The following MAGI2 variants were observed in gnomAD, a reference collection of about 807,000 sequenced individuals.
MAGI2 encodes membrane associated guanylate kinase, WW and PDZ domain containing 2.
In MAGI2, 35 loss-of-function variants were observed where a neutral mutation model predicts 133.3. The ratio of observed to expected loss-of-function variants is 0.26; its 90% CI spans 0.20 to 0.35. The LOEUF is 0.35. MAGI2 is among the 10% of genes least tolerant of loss of function. The probability of loss-of-function intolerance (pLI) is 1.00; values close to 1 mark genes in which losing one functional copy is unlikely to be tolerated. For synonymous variants in MAGI2, 729 were observed against 710.6 expected (o/e 1.03, Z -0.41); for missense variants, 1,636 against 1,863.4 (o/e 0.88, Z 2.25).
At position 79,020,592 on chromosome 7, in the gene MAGI2, C is replaced by T. The variant is rs528280471; in HGVS notation, c.302-13386G>A. Among the ~76,000 whole-genome samples the T allele has an allele frequency of 3.3e-5, 5 of 151,988 alleles. No individual in the cohort carries two copies. In the East Asian group the frequency reaches 9.8e-4, roughly 30 times the overall value. Reference sequence around the variant, plus strand: ...CCATCCTGGCTAACATGGTGAAACCCCATCTCTTCTAAAAATACAAAAAAT... The same window carrying T: ...CCATCCTGGCTAACATGGTGAAACCTCATCTCTTCTAAAAATACAAAAAAT... On this transcript the variant is annotated intron_variant, in intron 1 of 21. Coordinates refer to ENST00000354212, the MANE Select transcript of MAGI2 (RefSeq NM_012301.4).
intron 1 of MAGI2, among the ~76,000 whole-genome samples, chr7:79,361,570 A>T (rs1842377979): frequency 6.6e-6 from 1 of 152,186 alleles, no homozygotes; most frequent in Non-Finnish European, 1.5e-5. Flanking sequence ...GAACATATCT[A>T]TGGAGGAAGA....
intron 7 of MAGI2, among the ~76,000 whole-genome samples, chr7:78,367,350 G>A (rs150710200): frequency 1.4e-4 from 21 of 152,298 alleles, no homozygotes; most frequent in African/African-American, 4.1e-4. Flanking sequence ...ATCCTCTCCT[G>A]CATTGGAAGT....
chr7:78,436,243 C>A (rs1301908168), intron 6 of MAGI2, among the ~76,000 whole-genome samples: 1 of 152,010 alleles, frequency 6.6e-6, no homozygotes, highest in East Asian at 1.9e-4. Flanking sequence ...TAGGTTCCTG[C>A]CAGTGAGACA....
intron 2 of MAGI2, among the ~76,000 whole-genome samples, chr7:78,974,455 A>G (rs938673620): frequency 6.6e-6 from 1 of 151,940 alleles, no homozygotes; most frequent in Admixed American, 6.6e-5. Flanking sequence ...ATTCAATTCA[A>G]TCACACTTAG....
At chr7:78,759,132 A>T (rs1374952081) in intron 2 of MAGI2, among the ~76,000 whole-genome samples, 1 of 152,202 alleles carries the variant, frequency 6.6e-6, no homozygotes, top group Non-Finnish European at 1.5e-5. Flanking sequence ...TCACTGTCAG[A>T]AATACATTTT....
chr7:79,121,488 A>G (rs183317437), intron 1 of MAGI2, among the ~76,000 whole-genome samples: 1 of 152,206 alleles, frequency 6.6e-6, no homozygotes, highest in Admixed American at 6.5e-5. Context: ...GGCGCTAGGT[A>G]GCATTTCAGA....
At chr7:79,366,793 G>T (rs1842732610) in intron 1 of MAGI2, among the ~76,000 whole-genome samples, 1 of 151,944 alleles carries the variant, frequency 6.6e-6, no homozygotes, top group Non-Finnish European at 1.5e-5. Flanking sequence ...GTCCTTTTCT[G>T]TCCTATAACT....
intron 1 of MAGI2, among the ~76,000 whole-genome samples, chr7:79,094,579 G>C (rs980478386): frequency 1.8e-4 from 27 of 152,312 alleles, no homozygotes; most frequent in African/African-American, 6.3e-4. Flanking sequence ...AATGGAAACA[G>C]TGTCTATGGA....
At chr7:78,774,597 T>C (rs561236216) in intron 2 of MAGI2, among the ~76,000 whole-genome samples, 1 of 152,318 alleles carries the variant, frequency 6.6e-6, no homozygotes, top group Non-Finnish European at 1.5e-5. Flanking sequence ...ACTGGATTGG[T>C]TGGGCTGATT....
At chr7:79,031,938 A>G (rs564234507) in intron 1 of MAGI2, among the ~76,000 whole-genome samples, 5 of 152,292 alleles carry the variant, frequency 3.3e-5, no homozygotes, top group South Asian at 2.1e-4. Flanking sequence ...TATTTTCAGT[A>G]TATTCACATC....
At chr7:78,955,453 T>C (rs1802219775) in intron 2 of MAGI2, among the ~76,000 whole-genome samples, 1 of 152,058 alleles carries the variant, frequency 6.6e-6, no homozygotes, top group African/African-American at 2.4e-5. Context: ...TAAAGGTACA[T>C]ATTACAAAAA....
At chr7:79,291,242 G>A (rs1836458919) in intron 1 of MAGI2, among the ~76,000 whole-genome samples, 1 of 151,860 alleles carries the variant, frequency 6.6e-6, no homozygotes, top group Admixed American at 6.6e-5. Flanking sequence ...CTATATATCA[G>A]TACTTCATTC....
chr7:78,570,515 A>G (rs1391749119), intron 3 of MAGI2, among the ~76,000 whole-genome samples: 1 of 152,164 alleles, frequency 6.6e-6, no homozygotes, highest in Admixed American at 6.5e-5. Flanking sequence ...CTTTAATGCA[A>G]GTTCTCAGAT....
intron 16 of MAGI2, among the ~76,000 whole-genome samples, chr7:78,138,486 T>C (rs1294989092): frequency 6.6e-6 from 1 of 152,206 alleles, no homozygotes; most frequent in African/African-American, 2.4e-5. Flanking sequence ...TGAAATGAAA[T>C]TTAAAAACGT....
chr7:78,956,752 T>C (rs1802412586), intron 2 of MAGI2, among the ~76,000 whole-genome samples: 1 of 152,136 alleles, frequency 6.6e-6, no homozygotes, highest in Non-Finnish European at 1.5e-5. Context: ...TGCCCGTTTT[T>C]TATGTAATAC....
chr7:79,328,083 A>G (rs1839826202), intron 1 of MAGI2, among the ~76,000 whole-genome samples: 1 of 152,186 alleles, frequency 6.6e-6, no homozygotes, highest in African/African-American at 2.4e-5. Flanking sequence ...CAAAAATATC[A>G]ATGTGTAACT....
intron 7 of MAGI2, among the ~76,000 whole-genome samples, chr7:78,354,026 A>C (rs1042985274): frequency 2.0e-5 from 3 of 152,282 alleles, no homozygotes; most frequent in African/African-American, 4.8e-5. Flanking sequence ...ATGAGCTTCA[A>C]CACACATCAA....
At chr7:78,380,362 G>A (rs1359530519) in intron 6 of MAGI2, among the ~76,000 whole-genome samples, 1 of 152,034 alleles carries the variant, frequency 6.6e-6, no homozygotes, top group Admixed American at 6.6e-5. Flanking sequence ...ATCAACAGAT[G>A]AATGAGTAAA....
chr7:79,266,952 C>G (rs1455789222), intron 1 of MAGI2, among the ~76,000 whole-genome samples: 4 of 152,018 alleles, frequency 2.6e-5, no homozygotes, highest in African/African-American at 9.7e-5. Flanking sequence ...ACATAGACTT[C>G]AGATAAGGGG....
Sources: gnomAD v4.1 joint callset for allele counts (sites outside exome capture counted in the v4.1 genomes callset) on GRCh38, gnomAD v4.1.1 for gene constraint, MANE v1.5 for transcripts, NCBI Gene and HGNC (gene_info 2026-07-23, HGNC 2026-07-21) for gene names.